AGBL4: variants seen among roughly 807,000 people sequenced by gnomAD.
AGBL4 encodes the protein cytosolic carboxypeptidase 6.
AGBL4 carries 58 observed loss-of-function variants against 66.4 expected under a neutral mutation model. The observed-to-expected ratio is 0.87, with a 90% CI of 0.71 to 1.09. The LOEUF is 1.09. Among genes scored for constraint, AGBL4 ranks in the 50% least tolerant of loss-of-function variants. AGBL4 has a pLI of 0.00. For synonymous variants in AGBL4, 234 were observed against 222.9 expected, an observed-to-expected ratio of 1.05 and a Z score of -0.44; for missense variants, 579 against 631.0, an observed-to-expected ratio of 0.92 and a Z score of 0.88.
rs547642987 is a variant in AGBL4 at position 49,451,601 on chromosome 1, T to G, written c.283-205737A>C. 1.1e-4 allele frequency among the ~76,000 whole-genome samples: 17 copies of G among 152,072 alleles called. 1 individual carries two copies. In the South Asian group the frequency reaches 3.5e-3, roughly 32 times the overall value. ...GGCACATCTGCCTTTTATGAAGTCC[T>G]TTTTGACCACCCCACCTGCAAACCC... is the stretch of plus-strand genomic sequence containing the variant. On this transcript the variant is annotated intron_variant, in intron 3 of 13. Transcript: ENST00000371839.
At chr1:49,820,159 C>T (rs1645332984) in intron 2 of AGBL4, among the ~76,000 whole-genome samples, 1 of 152,162 alleles carries the variant, frequency 6.6e-6, no homozygotes, top group African/African-American at 2.4e-5. Flanking sequence ...GCGTAAGCAT[C>T]ACATACACCT....
In AGBL4 at chr1:49,353,101, T is replaced by C. The variant is rs1241925833; in HGVS notation, c.283-107237A>G. 2.6e-5 allele frequency among the ~76,000 whole-genome samples: 4 copies of C among 152,204 alleles called. No individual in the cohort carries two copies. In the East Asian group the frequency reaches 7.7e-4, roughly 29 times the overall value. ...AAATTTTCAAGACACAAAATAATCT[T>C]ATATAAAGTCATAGAGGTATGTCAA... On this transcript the variant is annotated intron_variant, in intron 3 of 13. Coordinates refer to ENST00000371839, the MANE Select transcript of AGBL4 (RefSeq NM_032785.4).
intron 4 of AGBL4, among the ~76,000 whole-genome samples, chr1:49,128,821 T>C (rs1213681943): frequency 6.6e-6 from 1 of 151,920 alleles, no homozygotes; most frequent in African/African-American, 2.4e-5. Context: ...ATTTTTTAAA[T>C]AGGATACAGA....
At chr1:49,357,471 T>A (rs2148529808) in intron 3 of AGBL4, among the ~76,000 whole-genome samples, 1 of 152,340 alleles carries the variant, frequency 6.6e-6, no homozygotes, top group Non-Finnish European at 1.5e-5. Flanking sequence ...TGCAATGGGC[T>A]CTGCTGTCCT....
intron 1 of AGBL4, among the ~76,000 whole-genome samples, chr1:49,886,705 C>T (rs543558770): frequency 6.6e-6 from 1 of 152,250 alleles, no homozygotes; most frequent in African/African-American, 2.4e-5. Context: ...GACCATTCTC[C>T]TTCCATACAG....
intron 5 of AGBL4, among the ~76,000 whole-genome samples, chr1:48,994,252 C>A (rs1206622452): frequency 6.6e-6 from 1 of 152,180 alleles, no homozygotes; most frequent in Non-Finnish European, 1.5e-5. Context: ...ATTGACATTT[C>A]TTTCTTTTAT....
At chr1:49,331,255 G>C (rs1371186898) in intron 3 of AGBL4, among the ~76,000 whole-genome samples, 1 of 152,062 alleles carries the variant, frequency 6.6e-6, no homozygotes, top group African/African-American at 2.4e-5. Context: ...CTCTAGGAAG[G>C]GAGCTGAATC....
intron 1 of AGBL4, among the ~76,000 whole-genome samples, chr1:49,976,172 A>G (rs1215189988): frequency 6.6e-6 from 1 of 152,112 alleles, no homozygotes; most frequent in East Asian, 1.9e-4. Flanking sequence ...AACAACTAGA[A>G]TTTCTCATTA....
rs75649506 is a variant in AGBL4, at chr1:49,861,093, C to T, written c.35-9575G>A. 8.0e-3 allele frequency among the ~76,000 whole-genome samples: 1,217 copies of T among 152,208 alleles called. 9 individuals carry two copies. The highest frequency in any genetic ancestry group is 0.031 in the Middle Eastern group (9 of 294). ...ACCAAACTCAGCTGATGCCCACCCA[C>T]AGAGAGAGCATTTAAATCAGCCCAG... is the stretch of plus-strand genomic sequence containing the variant. On this transcript the variant is annotated intron_variant, in intron 1 of 13. Transcript: ENST00000371839.
intron 11 of AGBL4, among the ~76,000 whole-genome samples, chr1:48,541,153 A>G (rs1644061887): frequency 6.6e-6 from 1 of 152,122 alleles, no homozygotes; most frequent in Non-Finnish European, 1.5e-5. Flanking sequence ...ATCTTTCTAG[A>G]TCACTCTTCC....
chr1:48,570,439 G>A lies in AGBL4; in HGVS notation c.1267+16565C>T, dbSNP rs977758778. The stretch of plus-strand genomic sequence containing the variant: ...ATCTCACAGGCAGTCTGGATGTGAG[G>A]ACAGGAGGAAGAACAGTGCTGTGGA... On this transcript the variant is annotated intron_variant, in intron 11 of 13. Transcript: ENST00000371839. 2.6e-5 allele frequency among the ~76,000 whole-genome samples: 4 copies of A among 152,238 alleles called. No individual in the cohort carries two copies. The East Asian group carries it at 7.7e-4, about 29-fold the overall frequency.
At chr1:48,809,084 C>T (rs1285242611) in intron 6 of AGBL4, among the ~76,000 whole-genome samples, 1 of 152,050 alleles carries the variant, frequency 6.6e-6, no homozygotes, top group Non-Finnish European at 1.5e-5. Flanking sequence ...ATCCGTGGGG[C>T]CTGAAATTAG....
intron 4 of AGBL4, among the ~76,000 whole-genome samples, chr1:49,123,453 T>A (rs1645702087): frequency 6.6e-6 from 1 of 152,164 alleles, no homozygotes; most frequent in Admixed American, 6.5e-5. Context: ...AATTATATAT[T>A]TCATACACAT....
intron 5 of AGBL4, among the ~76,000 whole-genome samples, chr1:48,922,843 T>C (rs1654206510): frequency 6.6e-6 from 1 of 151,884 alleles, no homozygotes; most frequent in Admixed American, 6.6e-5. Context: ...GATTAAATAA[T>C]GTCAAATAAT....
intron 3 of AGBL4, among the ~76,000 whole-genome samples, chr1:49,556,541 A>C (rs907646191): frequency 1.3e-5 from 2 of 150,644 alleles, no homozygotes; most frequent in Non-Finnish European, 3.0e-5. Context: ...TATATAAACA[A>C]ATCTTTAGCT....
At chr1:49,337,922 C>A (rs1645469100) in intron 3 of AGBL4, among the ~76,000 whole-genome samples, 1 of 152,198 alleles carries the variant, frequency 6.6e-6, no homozygotes, top group Non-Finnish European at 1.5e-5. Flanking sequence ...ACCAAGATCA[C>A]CCTCTGTCTC....
Position 48,999,840 on chromosome 1 carries a change from G to C in AGBL4, c.594+45744C>G, listed in dbSNP as rs147256774. On this transcript the variant is annotated intron_variant, in intron 5 of 13. Transcript: ENST00000371839. ...TAATATGATCTACCAGCCCCCCTTA[G>C]ACCCCATTATCTAGACCTGGAATGC... Among the ~76,000 whole-genome samples the C allele has an allele frequency of 3.9e-5, 6 of 152,132 alleles. No individual in the cohort carries two copies. In the East Asian group the frequency reaches 1.2e-3, roughly 30 times the overall value.
chr1:49,097,978 A>G (rs1354239111), intron 4 of AGBL4, among the ~76,000 whole-genome samples: 1 of 152,246 alleles, frequency 6.6e-6, no homozygotes, highest in Non-Finnish European at 1.5e-5. Flanking sequence ...TATACTACCT[A>G]GTTGAAAAAT....
chr1:49,456,390 C>T (rs995082679), intron 3 of AGBL4, among the ~76,000 whole-genome samples: 2 of 151,724 alleles, frequency 1.3e-5, no homozygotes, highest in Non-Finnish European at 2.9e-5. Flanking sequence ...TCTGGCCATC[C>T]ATTTCTAGAG....
Sources: allele counts gnomAD v4.1 joint callset (sites outside exome capture counted in the v4.1 genomes callset), GRCh38; gene constraint gnomAD v4.1.1; transcripts MANE v1.5; gene names NCBI Gene and HGNC (gene_info 2026-07-23, HGNC 2026-07-21).